CDC14B: variants seen among roughly 807,000 people sequenced by gnomAD.
The protein encoded by CDC14B is dual specificity protein phosphatase CDC14B.
CDC14B carries 22 observed loss-of-function variants against 64.2 expected under a neutral mutation model. The ratio of observed to expected loss-of-function variants is 0.34; its 90% confidence interval spans 0.24 to 0.49. The LOEUF (loss-of-function observed/expected upper bound fraction) is 0.49. CDC14B is among the 20% of genes least tolerant of loss of function. CDC14B has a pLI of 0.99. For missense variants in CDC14B, 498 were observed against 629.9 expected (o/e 0.79, Z 2.24); for synonymous variants, 191 against 215.8 (o/e 0.89, Z 1.01).
chr9:96,616,050 G>A (rs768489524), intron 1 of CDC14B, among the ~76,000 whole-genome samples: 18 of 152,190 alleles, frequency 1.2e-4, no homozygotes, highest in Admixed American at 2.6e-4. Flanking sequence ...AATCAGCTGC[G>A]GGCGGTGGCT....
intron 4 of CDC14B, among the ~76,000 whole-genome samples, chr9:96,555,818 C>T (rs1255236759): frequency 6.6e-6 from 1 of 152,096 alleles, no homozygotes; most frequent in Non-Finnish European, 1.5e-5. Flanking sequence ...TGAACAATAC[C>T]TCAACCATTC....
intron 1 of CDC14B, chr9:96,566,887 C>G (rs1844074961): frequency 1.3e-6 from 2 of 1,559,616 alleles, no homozygotes; most frequent in Non-Finnish European, 1.7e-6. Flanking sequence ...GCGCCGCGAC[C>G]ACACCCCCGA....
chr9:96,618,982 G>T (rs1217765413), intron 1 of CDC14B, among the ~76,000 whole-genome samples: 1 of 152,070 alleles, frequency 6.6e-6, no homozygotes, highest in African/African-American at 2.4e-5. Context: ...GGTGGAGGAG[G>T]GTGCACAAGC....
In CDC14B at chr9:96,560,582, C is replaced by CTTTTTTTTTTTTTTTTTTTTTTTT. The variant is rs373160930; in HGVS notation, c.420+2110_420+2111insAAAAAAAAAAAAAAAAAAAAAAAA. On this transcript the variant is annotated intron_variant, in intron 4 of 13. Coordinates refer to ENST00000375241, the MANE Select transcript of CDC14B (RefSeq NM_033331.4). ...GGTTCATACATAGACTTTTCTCTTT[C>CTTTTTTTTTTTTTTTTTTTTTTTT]TCTTTTTTTTTTTTTTTTTGAGACG... 3.1e-5 allele frequency among the ~76,000 whole-genome samples: 4 copies of CTTTTTTTTTTTTTTTTTTTTTTTT among 127,692 alleles called. 2 individuals carry two copies. 83.8% of individuals were successfully genotyped at this position (127,692 alleles called of 152,430 possible). A position where few individuals can be genotyped will look rare whatever the true frequency, so the allele number is the denominator to read the frequency against.
chr9:96,555,018 T>G (rs1448729609), intron 4 of CDC14B, among the ~76,000 whole-genome samples: 1 of 152,188 alleles, frequency 6.6e-6, no homozygotes, highest in Non-Finnish European at 1.5e-5. Context: ...ATATATAGAA[T>G]GCCCACTCTA....
chr9:96,497,692 A>G (rs565311161), downstream of CDC14B, among the ~76,000 whole-genome samples: 1 of 152,288 alleles, frequency 6.6e-6, no homozygotes, highest in South Asian at 2.1e-4. Context: ...TTTTTTTACT[A>G]GGCAAAATAT....
chr9:96,556,030 G>A (rs991218519), intron 4 of CDC14B, among the ~76,000 whole-genome samples: 6 of 152,122 alleles, frequency 3.9e-5, no homozygotes, highest in East Asian at 1.9e-4. Context: ...CTGACAAGCC[G>A]GGCCTCAAAT....
At chr9:96,560,582 C>CTTTTTTTTTTTTTTTT (rs373160930) in intron 4 of CDC14B, among the ~76,000 whole-genome samples, 1 of 127,692 alleles carries the variant, frequency 7.8e-6, no homozygotes, top group African/African-American at 3.2e-5. Flanking sequence ...TTTTCTCTTT[C>CTTTTTTTTTTTTTTTT]TCTTTTTTTT....
At chr9:96,549,757 T>C (rs1021739915) in intron 5 of CDC14B, among the ~76,000 whole-genome samples, 1 of 152,226 alleles carries the variant, frequency 6.6e-6, no homozygotes, top group Non-Finnish European at 1.5e-5. Context: ...GAATGGTTTC[T>C]AGCTAAGTCT....
At chr9:96,531,957 A>T (rs1838559111) in intron 9 of CDC14B, among the ~76,000 whole-genome samples, 1 of 151,822 alleles carries the variant, frequency 6.6e-6, no homozygotes, top group Admixed American at 6.6e-5. Flanking sequence ...AGTGATTAAA[A>T]ACTCCCTTTT....
At chr9:96,520,447 G>A (rs1836513721) in intron 12 of CDC14B, among the ~76,000 whole-genome samples, 1 of 152,130 alleles carries the variant, frequency 6.6e-6, no homozygotes, top group Non-Finnish European at 1.5e-5. Context: ...CTGGGCTCAA[G>A]TAGTCCTGTT....
intron 1 of CDC14B, among the ~76,000 whole-genome samples, chr9:96,583,543 C>T (rs1236563580): frequency 1.3e-5 from 2 of 150,120 alleles, no homozygotes; most frequent in Non-Finnish European, 3.0e-5. Flanking sequence ...ACTACAGGTG[C>T]GCACCACCAC....
At chr9:96,533,253 G>A (rs184431373) in intron 9 of CDC14B, among the ~76,000 whole-genome samples, 93 of 152,332 alleles carry the variant, frequency 6.1e-4, no homozygotes, top group African/African-American at 2.1e-3. Flanking sequence ...ATAGGCGTGA[G>A]CCACCATGCC....
chr9:96,565,459 T>C lies in CDC14B; in HGVS notation c.185A>G (p.Tyr62Cys). The change falls in exon 2 of 14, where the codon TAC (tyrosine) becomes TGC (cysteine). Residue 62 changes from tyrosine to cysteine, a missense_variant. Coordinates refer to ENST00000375241, the MANE Select transcript of CDC14B (RefSeq NM_033331.4). ...ITDRLCFAIL[Y>C]SRPKSASNVH... The stretch of plus-strand genomic sequence containing the variant: ...ATTTGATGCACTCTTTGGTCTGCTG[T>C]AGAGAATGGCAAAACAAAGGCGATC... The C allele has an allele frequency of 3.1e-6, 5 of 1,611,902 alleles. No homozygotes were observed. Among genetic ancestry groups the C allele is most frequent in the Non-Finnish European group, 4.2e-6 (5 of 1,178,090 alleles).
chr9:96,548,441 A>G (rs1841310283), intron 5 of CDC14B, among the ~76,000 whole-genome samples: 1 of 152,198 alleles, frequency 6.6e-6, no homozygotes, highest in South Asian at 2.1e-4. Flanking sequence ...GACCAGACAC[A>G]GAGAAATATT....
Position 96,567,137 on chromosome 9 carries a change from C to T in CDC14B, c.161-1654G>A, listed in dbSNP as rs1039425074. ...GGAACGCGGGGCGGCCTGTGCCAAC[C>T]AGGGCTCCTCCAGTGCCCAAACGCT... On this transcript the variant is annotated intron_variant, in intron 1 of 13. Transcript: ENST00000375241. 12 of 495,158 alleles carry T rather than the reference C, an allele frequency of 2.4e-5. No individual in the cohort carries two copies. In the East Asian group the frequency reaches 3.1e-4, roughly 13 times the overall value. The allele number at this position is 495,158 out of a possible 1,614,324, so 30.7% of individuals were successfully genotyped here.
At position 96,577,286 on chromosome 9, in the gene CDC14B, A is replaced by T. The variant is rs562111012; in HGVS notation, c.161-11803T>A. ...AAAAAAGTTTTGATGAAAAGATCAT[A>T]AAAAAATCTATCAATCTATCAATAT... On this transcript the variant is annotated intron_variant, in intron 1 of 13. Coordinates refer to ENST00000375241, the MANE Select transcript of CDC14B (RefSeq NM_033331.4). 4.8e-3 allele frequency among the ~76,000 whole-genome samples: 729 copies of T among 152,120 alleles called. 4 individuals are homozygous for T. Among genetic ancestry groups the T allele is most frequent in the Non-Finnish European group, 6.2e-3 (423 of 67,990 alleles).
At position 96,534,150 on chromosome 9, in the gene CDC14B, G is replaced by T; in HGVS notation, c.723C>A (p.His241Gln). 1.3e-6 allele frequency: 2 copies of T among 1,586,344 alleles called. No individual in the cohort carries two copies. The highest frequency in any genetic ancestry group is 1.7e-6 in the Non-Finnish European group (2 of 1,159,168). Residue 241 changes from histidine (H) to glutamine (Q), a missense_variant, in exon 9 of 14, where the codon CAC becomes CAA. By Grantham distance (24) the His-to-Gln change is conservative. Coordinates refer to ENST00000375241, the MANE Select transcript of CDC14B (RefSeq NM_033331.4). ...GAATATAAGTCTCAGGAGAATGTTG[G>T]TGGTAACCTACATAAAGAAATGCAC... ...HSRARLESGYHQHSPETYIQY... is the reference protein window; with the variant it reads ...HSRARLESGYQQHSPETYIQY...
Position 96,515,530 on chromosome 9 carries a change from C to G in CDC14B, c.1344-5741G>C. On this transcript the variant is annotated intron_variant, in intron 12 of 13. Transcript: ENST00000375241. This position sits in a 1 kb window ranked among gnomAD's most constrained non-coding sequence, Gnocchi z 4.3. Reference sequence around the variant, plus strand: ...TAATTGAAAAGATTCAGAAAAAGAACCTTTGAAAATAGGCAAACCAACAAA... The same window carrying G: ...TAATTGAAAAGATTCAGAAAAAGAAGCTTTGAAAATAGGCAAACCAACAAA... The G allele has an allele frequency of 1.0e-6, 1 of 1,003,250 alleles. No individual in the cohort carries two copies. The highest frequency in any genetic ancestry group is 1.4e-6 in the Non-Finnish European group (1 of 717,624). The allele number at this position is 1,003,250 out of a possible 1,614,324, so 62.1% of individuals were successfully genotyped here. A position where few individuals can be genotyped will look rare whatever the true frequency, so the allele number is the denominator to read the frequency against.
Sources: allele counts gnomAD v4.1 joint callset (sites outside exome capture counted in the v4.1 genomes callset), GRCh38; gene constraint gnomAD v4.1.1; non-coding constraint Gnocchi (gnomAD v3.1); transcripts MANE v1.5; gene names NCBI Gene and HGNC (gene_info 2026-07-23, HGNC 2026-07-21).